ERC1: variants seen among roughly 807,000 people sequenced by gnomAD.
The protein encoded by ERC1 is ELKS/RAB6-interacting/CAST family member 1, also known as RAB6 interacting protein 2.
A neutral mutation model predicts 132.0 loss-of-function variants in ERC1; 56 were observed. The observed-to-expected ratio is 0.42, with a 90% CI of 0.34 to 0.53. The LOEUF is 0.53. Ranked by LOEUF, ERC1 falls within the 20% of genes least tolerant of loss-of-function variation. The pLI is 0.03. For synonymous variants in ERC1, 478 were observed against 476.1 expected, an observed-to-expected ratio of 1.00 and a Z score of -0.05; for missense variants, 1,202 against 1,349.9, an observed-to-expected ratio of 0.89 and a Z score of 1.72.
At chr12:1,400,627 G>A (rs2090939316) in intron 16 of ERC1, among the ~76,000 whole-genome samples, 1 of 152,024 alleles carries the variant, frequency 6.6e-6, no homozygotes, top group Non-Finnish European at 1.5e-5. Flanking sequence ...TAATGAGTTT[G>A]ACATCATTTT....
intron 16 of ERC1, among the ~76,000 whole-genome samples, chr12:1,400,768 C>G (rs2090953455): frequency 6.6e-6 from 1 of 152,068 alleles, no homozygotes; most frequent in African/African-American, 2.4e-5. Flanking sequence ...TCTGGACTCT[C>G]AATTTTGTTT....
chr12:1,155,301 C>T (rs1381266272), intron 8 of ERC1, among the ~76,000 whole-genome samples: 2 of 113,276 alleles, frequency 1.8e-5, no homozygotes, highest in Non-Finnish European at 3.3e-5. Context: ...ACTCACAGGG[C>T]GAGACTTCAT....
chr12:1,182,512 T>G (rs61914304), intron 10 of ERC1, among the ~76,000 whole-genome samples: 29,060 of 152,184 alleles, frequency 0.19, 3,528 homozygotes, highest in Non-Finnish European at 0.27. Flanking sequence ...ATGACCTAAA[T>G]AGCAAAGATG....
At chr12:1,457,993 A>G (rs1439287110) in intron 18 of ERC1, among the ~76,000 whole-genome samples, 1 of 152,202 alleles carries the variant, frequency 6.6e-6, no homozygotes, top group African/African-American at 2.4e-5. Context: ...GCTGGTGCCA[A>G]GTGTTCAACT....
At chr12:1,386,838 A>T (rs2089435142) in intron 16 of ERC1, 1 of 152,052 alleles carries the variant, frequency 6.6e-6, no homozygotes, top group African/African-American at 2.4e-5. Context: ...TGCTCTACTG[A>T]ATTCTGACAG....
At chr12:1,083,094 G>A (rs1197836288) in intron 2 of ERC1, 70 bp from the exon 3 acceptor site, 4 of 1,336,036 alleles carry the variant, frequency 3.0e-6, no homozygotes, top group Non-Finnish European at 3.1e-6. Flanking sequence ...TTTGATTCCT[G>A]CAGGCTGCTC....
chr12:1,433,686 CTT>C (rs2092868595), intron 17 of ERC1, among the ~76,000 whole-genome samples: 1 of 152,190 alleles, frequency 6.6e-6, no homozygotes, highest in South Asian at 2.1e-4. Context: ...ATGGCGGAGA[CTT>C]TACTCCCTTT....
intron 16 of ERC1, among the ~76,000 whole-genome samples, chr12:1,394,191 G>A (rs11061746): frequency 0.49 from 73,827 of 149,660 alleles, 20,074 homozygotes; most frequent in African/African-American, 0.74. Flanking sequence ...ACGAGGTCAG[G>A]AGATCGAGAC....
At chr12:1,448,743 A>G (rs968984677) in intron 18 of ERC1, among the ~76,000 whole-genome samples, 2 of 152,252 alleles carry the variant, frequency 1.3e-5, no homozygotes, top group Non-Finnish European at 2.9e-5. Flanking sequence ...ATGCTAGGGC[A>G]GTGCAGAAGG....
At chr12:1,194,963 G>C (rs1956080759) in intron 12 of ERC1, among the ~76,000 whole-genome samples, 1 of 151,064 alleles carries the variant, frequency 6.6e-6, no homozygotes, top group Non-Finnish European at 1.5e-5. Flanking sequence ...GGGGGCGGGG[G>C]GCAGGGTGTG....
In ERC1 at chr12:1,415,019, A is replaced by G. The variant is rs111898133; in HGVS notation, c.3024+6772A>G. ...GATAAGAAAGATGAATGGAAACAAA[A>G]GAATTTTAGAGAAATGTTGAGAATT... is the stretch of plus-strand genomic sequence containing the variant. On this transcript the variant is annotated intron_variant, in intron 17 of 18. Transcript: ENST00000360905. Among the ~76,000 whole-genome samples, 1,037 of 152,380 alleles carry G rather than the reference A, an allele frequency of 6.8e-3. 16 individuals carry two copies. Among genetic ancestry groups the G allele is most frequent in the African/African-American group, 0.024 (984 of 41,580 alleles).
At chr12:1,448,225 A>G (rs577232000) in intron 18 of ERC1, among the ~76,000 whole-genome samples, 1 of 152,288 alleles carries the variant, frequency 6.6e-6, no homozygotes, top group South Asian at 2.1e-4. Context: ...TTTCCCTTTA[A>G]TTGAGAATGT....
intron 15 of ERC1, among the ~76,000 whole-genome samples, chr12:1,363,666 C>T (rs369833388): frequency 6.6e-6 from 1 of 151,316 alleles, no homozygotes; most frequent in African/African-American, 2.4e-5. Context: ...AGGATGCTCC[C>T]ACCTCAGTCC....
chr12:1,321,586 T>G (rs2082120428), intron 15 of ERC1, among the ~76,000 whole-genome samples: 2 of 152,224 alleles, frequency 1.3e-5, no homozygotes, highest in Non-Finnish European at 2.9e-5. Flanking sequence ...GCTTGTTCTC[T>G]TCCTGATGAA....
chr12:1,231,595 G>C (rs758532117), intron 12 of ERC1, among the ~76,000 whole-genome samples: 1 of 151,722 alleles, frequency 6.6e-6, no homozygotes, highest in Non-Finnish European at 1.5e-5. Flanking sequence ...TTATAAGGCA[G>C]GTCTAGTGCG....
At chr12:1,463,438 T>C (rs776177906) in intron 18 of ERC1, among the ~76,000 whole-genome samples, 12 of 152,144 alleles carry the variant, frequency 7.9e-5, no homozygotes, top group Non-Finnish European at 1.8e-4. Context: ...AATGGTTCTT[T>C]GTGGGGCAGC....
At chr12:1,428,962 TC>T (rs1174289837) in intron 17 of ERC1, among the ~76,000 whole-genome samples, 1 of 152,184 alleles carries the variant, frequency 6.6e-6, no homozygotes, top group Non-Finnish European at 1.5e-5. Context: ...CTGCACTGTA[TC>T]CCTGGCTTCC....
intron 2 of ERC1, among the ~76,000 whole-genome samples, chr12:1,034,770 G>T (rs915596944): frequency 4.6e-5 from 7 of 152,210 alleles, no homozygotes; most frequent in African/African-American, 1.7e-4. Flanking sequence ...AATTGTTTAT[G>T]CCTGTACTTC....
chr12:1,030,030 G>A (rs974426620), intron 2 of ERC1, among the ~76,000 whole-genome samples: 2 of 152,100 alleles, frequency 1.3e-5, no homozygotes, highest in Non-Finnish European at 2.9e-5. Context: ...TTATAGGCGC[G>A]AGCCACCGCC....
Sources: gnomAD v4.1 joint callset for allele counts (sites outside exome capture counted in the v4.1 genomes callset) on GRCh38, gnomAD v4.1.1 for gene constraint, MANE v1.5 for transcripts, NCBI Gene and HGNC (gene_info 2026-07-23, HGNC 2026-07-21) for gene names.